Variants in AFF3 observed in about 807,000 individuals in gnomAD.
AFF3 encodes AF4/FMR2 family member 3.
A neutral mutation model predicts 129.7 loss-of-function variants in AFF3; 32 were observed. The ratio of observed to expected loss-of-function variants is 0.25; its 90% CI spans 0.19 to 0.33. The LOEUF (loss-of-function observed/expected upper bound fraction) is 0.33. AFF3 is among the 10% of genes least tolerant of loss of function. AFF3 has a pLI of 1.00. For missense variants in AFF3, 1,373 were observed against 1,592.0 expected, an observed-to-expected ratio of 0.86 and a Z score of 2.34; for synonymous variants, 644 against 635.4, an observed-to-expected ratio of 1.01 and a Z score of -0.20.
chr2:99,837,351 T>A, intron 8 of AFF3, 126 bp downstream of exon 8: 1 of 883,110 alleles, frequency 1.1e-6, no homozygotes, highest in Non-Finnish European at 1.7e-6. Context: ...CTTATGTGAC[T>A]ACTCTCAGAA....
At chr2:100,142,026 T>C (rs1692905535) in intron 1 of AFF3, among the ~76,000 whole-genome samples, 1 of 152,178 alleles carries the variant, frequency 6.6e-6, no homozygotes, top group African/African-American at 2.4e-5. Flanking sequence ...CCTTGCAAGC[T>C]CACTCACTGG....
At chr2:99,942,580 T>G in intron 7 of AFF3, among the ~76,000 whole-genome samples, 7 of 147,852 alleles carry the variant, frequency 4.7e-5, no homozygotes, top group Admixed American at 1.3e-4. Context: ...GAATGGCCTG[T>G]GAAGGGCTTG....
intron 11 of AFF3, among the ~76,000 whole-genome samples, chr2:99,719,144 T>A (rs1484970821): frequency 6.6e-6 from 1 of 151,526 alleles, no homozygotes; most frequent in Non-Finnish European, 1.5e-5. Flanking sequence ...TTTTTCTTTT[T>A]AAATCATGAA....
chr2:99,678,177 C>T (rs1674181449), intron 11 of AFF3, among the ~76,000 whole-genome samples: 1 of 152,222 alleles, frequency 6.6e-6, no homozygotes, highest in African/African-American at 2.4e-5. Context: ...CAGAACCCAA[C>T]TGTGTCATTT....
At chr2:99,954,721 C>T (rs1019167367) in intron 7 of AFF3, among the ~76,000 whole-genome samples, 1 of 130,288 alleles carries the variant, frequency 7.7e-6, no homozygotes, top group African/African-American at 3.0e-5. Context: ...ACAATGAGAA[C>T]ACATGGACAC....
At chr2:99,635,551 C>T (rs749754941) in intron 13 of AFF3, among the ~76,000 whole-genome samples, 1 of 152,272 alleles carries the variant, frequency 6.6e-6, no homozygotes, top group African/African-American at 2.4e-5. Context: ...ATCCTCCCAC[C>T]TTGGCCTTCC....
At chr2:99,970,814 A>G (rs1274488501) in intron 7 of AFF3, among the ~76,000 whole-genome samples, 1 of 152,178 alleles carries the variant, frequency 6.6e-6, no homozygotes. Context: ...GGATGAAGAC[A>G]TGGGGGAGGC....
intron 2 of AFF3, among the ~76,000 whole-genome samples, chr2:100,126,628 C>T (rs1371054062): frequency 1.3e-5 from 2 of 152,182 alleles, no homozygotes; most frequent in African/African-American, 4.8e-5. Flanking sequence ...CCAGGGGAAT[C>T]TGGCTCACTA....
At chr2:99,631,054 C>A in intron 13 of AFF3, 1 of 438,554 alleles carries the variant, frequency 2.3e-6, no homozygotes, top group Non-Finnish European at 4.7e-6. Flanking sequence ...TGCAGGGAGG[C>A]AGGCAGAGCA....
intron 11 of AFF3, among the ~76,000 whole-genome samples, chr2:99,723,914 G>A (rs1161380404): frequency 1.3e-5 from 2 of 152,142 alleles, no homozygotes; most frequent in East Asian, 1.9e-4. Flanking sequence ...GTGAGGACAC[G>A]TTGGGAGGAG....
At position 99,962,909 on chromosome 2, in the gene AFF3, A is replaced by C. The variant is rs185967902; in HGVS notation, c.873+43723T>G. On this transcript the variant is annotated intron_variant, in intron 7 of 24. Transcript: ENST00000672756. ...AATAATAATGGCTGAAAATTTCTTA[A>C]ATTTGGTGAAAGAAATAAACTCACA... Among the ~76,000 whole-genome samples, 1,053 of 149,842 alleles carry C rather than the reference A, an allele frequency of 7.0e-3. 16 individuals carry two copies. The highest frequency in any genetic ancestry group is 0.024 in the African/African-American group (997 of 41,078).
At chr2:100,037,726 T>C (rs1399369883) in intron 4 of AFF3, among the ~76,000 whole-genome samples, 2 of 129,382 alleles carry the variant, frequency 1.5e-5, no homozygotes, top group African/African-American at 2.9e-5. Context: ...ATTATATATA[T>C]TTATATTAAT....
intron 4 of AFF3, among the ~76,000 whole-genome samples, chr2:100,071,250 A>T (rs1688156739): frequency 6.6e-6 from 1 of 152,210 alleles, no homozygotes; most frequent in Non-Finnish European, 1.5e-5. Context: ...AATTCTGGAA[A>T]TGTCATCATA....
At chr2:99,578,258 T>A in intron 18 of AFF3, 69 bp downstream of exon 18, 2 of 1,492,832 alleles carry the variant, frequency 1.3e-6, no homozygotes, top group Non-Finnish European at 1.8e-6. Flanking sequence ...AAGGTGCCCA[T>A]GCCCCTTCCA....
intron 2 of AFF3, among the ~76,000 whole-genome samples, chr2:100,126,013 T>G (rs1034811116): frequency 1.3e-5 from 2 of 152,168 alleles, no homozygotes; most frequent in Admixed American, 6.5e-5. Context: ...GACCTTTGGA[T>G]TTGATGTATG....
intron 2 of AFF3, among the ~76,000 whole-genome samples, chr2:100,117,887 A>G (rs540417444): frequency 6.6e-6 from 1 of 152,288 alleles, no homozygotes; most frequent in African/African-American, 2.4e-5. Flanking sequence ...TCAAGACCTC[A>G]TTTCTTCTAG....
At chr2:99,620,323 T>C (rs72817032) in intron 13 of AFF3, among the ~76,000 whole-genome samples, 13 of 152,184 alleles carry the variant, frequency 8.5e-5, no homozygotes, top group African/African-American at 1.4e-4. Context: ...GATAAATGTA[T>C]ACTTAATTAA....
chr2:99,838,059 A>T (rs1007517888), intron 7 of AFF3, among the ~76,000 whole-genome samples: 2 of 152,170 alleles, frequency 1.3e-5, no homozygotes, highest in Non-Finnish European at 2.9e-5. Flanking sequence ...TGGATGTTGG[A>T]CTGGCATGTG....
At chr2:99,584,483 AAATAAATAAAAT>A (rs1677900982) in intron 16 of AFF3, among the ~76,000 whole-genome samples, 1 of 152,288 alleles carries the variant, frequency 6.6e-6, no homozygotes, top group Admixed American at 6.5e-5. Flanking sequence ...ATAAATACAT[AAATAAATAAAAT>A]AATAAATAAA....
Sources: gnomAD v4.1 joint callset for allele counts (sites outside exome capture counted in the v4.1 genomes callset) on GRCh38, gnomAD v4.1.1 for gene constraint, MANE v1.5 for transcripts, NCBI Gene and HGNC (gene_info 2026-07-23, HGNC 2026-07-21) for gene names.